CDH1: variants seen among roughly 807,000 people sequenced by gnomAD.
CDH1 encodes the protein cadherin 1.
Under a neutral mutation model 84.5 loss-of-function variants are expected in CDH1, and 35 were observed. The observed-to-expected ratio is 0.41, with a 90% confidence interval of 0.32 to 0.55. The LOEUF (loss-of-function observed/expected upper bound fraction) is 0.55, where lower values mean the gene tolerates loss of function less well. CDH1 is among the 20% of genes least tolerant of loss of function. The pLI is 0.19. For synonymous variants in CDH1, 417 were observed against 439.0 expected, an observed-to-expected ratio of 0.95 and a Z score of 0.63; for missense variants, 994 against 1,126.6, an observed-to-expected ratio of 0.88 and a Z score of 1.68.
chr16:68,801,212 A>G lies in CDH1; in HGVS notation c.164-458A>G, dbSNP rs189342340. The stretch of plus-strand genomic sequence containing the variant: ...CTGCAACCTCCACCTTACAGGTTCA[A>G]GAGATTCTCCTGCCTCAGCCTCCCA... On this transcript the variant is annotated intron_variant, in intron 2 of 15. Transcript: ENST00000261769. 2.1e-4 allele frequency among the ~76,000 whole-genome samples: 32 copies of G among 152,294 alleles called. No homozygotes were observed. In the East Asian group the frequency reaches 6.2e-3, roughly 29 times the overall value.
chr16:68,801,583 T>C, intron 2 of CDH1, 87 bp from the exon 3 acceptor site: 1 of 1,072,834 alleles, frequency 9.3e-7, no homozygotes, highest in Non-Finnish European at 1.5e-6. Flanking sequence ...TTTGTGGGAG[T>C]CTTCCCACAA....
rs149813082 is a variant in CDH1 at position 68,747,345 on chromosome 16, G to A, written c.163+8934G>A. Among the ~76,000 whole-genome samples, 5 of 152,124 alleles carry A rather than the reference G, an allele frequency of 3.3e-5. No homozygotes were observed. In the East Asian group the frequency reaches 5.8e-4, roughly 18 times the overall value. ...GAGGAGAGGGTCCCAGGATGAGGCT[G>A]CAGAGGCAGCTGGGCCAGGGTACCT... On this transcript the variant is annotated intron_variant, in intron 2 of 15. Transcript: ENST00000261769.
Position 68,801,792 on chromosome 16 carries a change from A to T in CDH1, c.286A>T (p.Ile96Phe), listed in dbSNP as rs749306433. 1.9e-6 allele frequency: 3 copies of T among 1,614,162 alleles called. No homozygotes were observed. Among genetic ancestry groups the T allele is most frequent in the East Asian group, 2.2e-5 (1 of 44,886 alleles). Residue 96 changes from isoleucine (I) to phenylalanine (F), a missense_variant, in exon 3 of 16, where the codon ATC becomes TTC. This residue lies in a region of CDH1 where 203 missense variants were observed against 194.0 expected (regional missense o/e 1.05). Coordinates refer to ENST00000261769, the MANE Select transcript of CDH1 (RefSeq NM_004360.5). Reference sequence around the variant, plus strand: ...GCCTCTACGGTTTCATAACCCACAGATCCATTTCTTGGTCTACGCCTGGGA... The same window carrying T: ...GCCTCTACGGTTTCATAACCCACAGTTCCATTTCTTGGTCTACGCCTGGGA... Reference protein sequence around the residue: ...KRPLRFHNPQIHFLVYAWDST... With the variant: ...KRPLRFHNPQFHFLVYAWDST...
intron 2 of CDH1, among the ~76,000 whole-genome samples, chr16:68,764,576 A>T (rs1959315760): frequency 6.6e-6 from 1 of 152,138 alleles, no homozygotes; most frequent in Non-Finnish European, 1.5e-5. Flanking sequence ...ACTCCATCTC[A>T]AAATAAAATA....
chr16:68,759,829 C>T (rs1462873810), intron 2 of CDH1, among the ~76,000 whole-genome samples: 1 of 152,032 alleles, frequency 6.6e-6, no homozygotes, highest in Non-Finnish European at 1.5e-5. Flanking sequence ...ACAGAAGCTT[C>T]TACAGCTAGG....
chr16:68,781,757 A>G (rs1959884920), intron 2 of CDH1, among the ~76,000 whole-genome samples: 1 of 152,048 alleles, frequency 6.6e-6, no homozygotes, highest in Non-Finnish European at 1.5e-5. Flanking sequence ...GGCCTGAGCA[A>G]TCATGCCGGG....
chr16:68,750,942 G>A (rs1962870845), intron 2 of CDH1, among the ~76,000 whole-genome samples: 1 of 151,882 alleles, frequency 6.6e-6, no homozygotes, highest in African/African-American at 2.4e-5. Flanking sequence ...TGGGCTCAAG[G>A]GATCTTCCCA....
At chr16:68,742,752 C>A (rs550487404) in intron 2 of CDH1, among the ~76,000 whole-genome samples, 1 of 152,170 alleles carries the variant, frequency 6.6e-6, no homozygotes, top group Non-Finnish European at 1.5e-5. Context: ...ATGTGCTGAA[C>A]GTTTCAGAAA....
In CDH1 at chr16:68,778,741, T is replaced by A. The variant is rs552073859; in HGVS notation, c.164-22929T>A. Among the ~76,000 whole-genome samples the A allele has an allele frequency of 2.6e-5, 4 of 152,280 alleles. No individual in the cohort carries two copies. The South Asian group carries it at 8.3e-4, about 32-fold the overall frequency. On this transcript the variant is annotated intron_variant, in intron 2 of 15. Transcript: ENST00000261769. ...AAAGAGAAAGCAGTAGCCTGACTGG[T>A]CTGAACTCCTGCCCTGTCAGCAGAA...
chr16:68,738,440 C>A (rs1407805279), intron 2 of CDH1, 29 bp downstream of exon 2: 3 of 1,478,314 alleles, frequency 2.0e-6, no homozygotes, highest in Admixed American at 2.0e-5. Context: ...TGTCCCTGGG[C>A]GGAGTAGGGA....
At chr16:68,793,811 G>A (rs926127739) in intron 2 of CDH1, among the ~76,000 whole-genome samples, 9 of 151,902 alleles carry the variant, frequency 5.9e-5, no homozygotes, top group South Asian at 2.1e-4. Context: ...AGAATCCCTC[G>A]AACCCGGGAG....
chr16:68,832,546 G>A (rs1961513048), intron 15 of CDH1, among the ~76,000 whole-genome samples: 1 of 152,148 alleles, frequency 6.6e-6, no homozygotes, highest in African/African-American at 2.4e-5. Flanking sequence ...AAGGCCGGGT[G>A]CAGTGGCTCA....
intron 3 of CDH1, among the ~76,000 whole-genome samples, chr16:68,806,546 C>T (rs1960667401): frequency 6.6e-6 from 1 of 152,182 alleles, no homozygotes. Flanking sequence ...CCAGTCCAAC[C>T]ATCATCTCCA....
chr16:68,744,963 C>T (rs1962682850), intron 2 of CDH1, among the ~76,000 whole-genome samples: 1 of 152,172 alleles, frequency 6.6e-6, no homozygotes, highest in Non-Finnish European at 1.5e-5. Flanking sequence ...GCACTGCAAA[C>T]AGTGACTAAG....
At chr16:68,831,003 G>C (rs1176399825) in intron 15 of CDH1, among the ~76,000 whole-genome samples, 2 of 151,466 alleles carry the variant, frequency 1.3e-5, no homozygotes, top group Non-Finnish European at 2.9e-5. Flanking sequence ...GATTTTCTGG[G>C]CTTGTCTGAT....
At chr16:68,799,964 C>T (rs563681993) in intron 2 of CDH1, among the ~76,000 whole-genome samples, 4 of 151,106 alleles carry the variant, frequency 2.6e-5, no homozygotes, top group Admixed American at 2.0e-4. Context: ...GAGCCGAGAT[C>T]GTGCCACTGC....
chr16:68,818,339 A>C (rs1018461470), intron 10 of CDH1, among the ~76,000 whole-genome samples: 1 of 152,046 alleles, frequency 6.6e-6, no homozygotes. Flanking sequence ...CATATTTATA[A>C]GTAAAGGAAC....
At chr16:68,762,676 A>G (rs1485523156) in intron 2 of CDH1, among the ~76,000 whole-genome samples, 4 of 152,172 alleles carry the variant, frequency 2.6e-5, no homozygotes, top group African/African-American at 9.7e-5. Context: ...TGGGAGGCCA[A>G]GGCCAGAGGA....
chr16:68,791,607 A>G (rs1295664089), intron 2 of CDH1, among the ~76,000 whole-genome samples: 1 of 151,872 alleles, frequency 6.6e-6, no homozygotes, highest in Non-Finnish European at 1.5e-5. Context: ...TTTTTTGTAG[A>G]GTTGGGGTCT....
Sources: allele counts gnomAD v4.1 joint callset (sites outside exome capture counted in the v4.1 genomes callset), GRCh38; gene constraint gnomAD v4.1.1; regional missense constraint gnomAD v4.1.1; transcripts MANE v1.5; gene names NCBI Gene and HGNC (gene_info 2026-07-23, HGNC 2026-07-21).